ZNF682: variants seen among roughly 807,000 people sequenced by gnomAD.
ZNF682 encodes the protein zinc finger protein 682.
In ZNF682, 29 loss-of-function variants were observed where a neutral mutation model predicts 36.5. The observed-to-expected ratio is 0.80, with a 90% CI of 0.59 to 1.08. The LOEUF (loss-of-function observed/expected upper bound fraction) is 1.08, where lower values mean the gene tolerates loss of function less well. Among genes scored for constraint, ZNF682 ranks in the 50% least tolerant of loss-of-function variants. The pLI is 0.00. For synonymous variants in ZNF682, 180 were observed against 197.0 expected (o/e 0.91, Z 0.72); for missense variants, 561 against 579.7 (o/e 0.97, Z 0.33).
intron 3 of ZNF682, among the ~76,000 whole-genome samples, chr19:20,020,657 G>T (rs1036969240): frequency 6.6e-6 from 1 of 152,056 alleles, no homozygotes; most frequent in African/African-American, 2.4e-5. Flanking sequence ...AAAACAACCT[G>T]AATGTTTGTG....
chr19:20,030,386 A>G (rs1285166034), intron 1 of ZNF682, among the ~76,000 whole-genome samples: 1 of 152,104 alleles, frequency 6.6e-6, no homozygotes, highest in Admixed American at 6.6e-5. Flanking sequence ...CCTGGCCAAT[A>G]TGGTGAAATC....
chr19:20,020,848 AAT>A (rs1234388248), intron 3 of ZNF682, among the ~76,000 whole-genome samples: 1 of 152,244 alleles, frequency 6.6e-6, no homozygotes, highest in African/African-American at 2.4e-5. Context: ...CTCTATGGGT[AAT>A]CTAAAAAGGA....
In ZNF682 at chr19:20,007,243, G is replaced by GA. The variant is rs1568538117; in HGVS notation, c.258_259insT (p.Pro87SerfsTer23). 1 of 1,611,742 alleles carries GA rather than the reference G, an allele frequency of 6.2e-7. No homozygotes were observed. Among genetic ancestry groups the GA allele is most frequent in the Non-Finnish European group, 8.5e-7 (1 of 1,179,382 alleles). The stretch of plus-strand genomic sequence containing the variant: ...AATGAATCTTGCATGCACTGTTCTG[G>GA]CAAAAGGTCTTCAGTGTAATGAGAA... On this transcript the variant is annotated frameshift_variant, in exon 4 of 4. Coordinates refer to ENST00000397165, the MANE Select transcript of ZNF682 (RefSeq NM_033196.3). LOFTEE classifies it low-confidence loss of function (END_TRUNC).
At chr19:20,032,568 G>A (rs2088488521) in intron 1 of ZNF682, among the ~76,000 whole-genome samples, 1 of 152,126 alleles carries the variant, frequency 6.6e-6, no homozygotes, top group Non-Finnish European at 1.5e-5. Flanking sequence ...AGTCTGATGG[G>A]TACCTTACAT....
chr19:20,015,400 C>T (rs977517445), intron 3 of ZNF682: 41 of 984,688 alleles, frequency 4.2e-5, no homozygotes, highest in Non-Finnish European at 4.8e-5. Flanking sequence ...TGATTCATAT[C>T]TGACTTTTGC....
In ZNF682 at chr19:20,006,495, G is replaced by A. The variant is rs1043435219; in HGVS notation, c.1007C>T (p.Thr336Met). Reference protein sequence around the residue: ...SLLTIHERTHTGEKPYKCEEC... With the variant: ...SLLTIHERTHMGEKPYKCEEC... Reference sequence around the variant, plus strand: ...TTCACATTTATAGGGTTTCTCTCCCGTATGGGTTCTCTCATGTATAGTAAG... The same window carrying A: ...TTCACATTTATAGGGTTTCTCTCCCATATGGGTTCTCTCATGTATAGTAAG... The change falls in exon 4 of 4, where the codon ACG becomes ATG. Residue 336 changes from threonine to methionine, a missense_variant. By Grantham distance (81) the Thr-to-Met change is moderately conservative (BLOSUM62 -1). Transcript: ENST00000397165. 47 of 1,613,910 alleles carry A rather than the reference G, an allele frequency of 2.9e-5. 1 individual carries two copies. Among genetic ancestry groups the A allele is most frequent in the Non-Finnish European group, 3.9e-5 (46 of 1,180,006 alleles).
At position 20,006,111 on chromosome 19, in the gene ZNF682, C is replaced by A. The variant is rs932903662; in HGVS notation, c.1391G>T (p.Arg464Leu). The change falls in exon 4 of 4, where the codon CGG (arginine) becomes CTG (leucine). Residue 464 changes from arginine (R) to leucine (L), a missense_variant. Arg to Leu is a moderately radical substitution (Grantham distance 102). Coordinates refer to ENST00000397165, the MANE Select transcript of ZNF682 (RefSeq NM_033196.3). ...KCEECGKAFK[R>L]CSHLNEHKRV... The stretch of plus-strand genomic sequence containing the variant: ...CTTATGTTCATTAAGATGTGAGCAC[C>A]GTTTAAAAGCTTTGCCACATTCTTC... 6.2e-7 allele frequency: 1 copy of A among 1,613,900 alleles called. No homozygotes were observed. Among genetic ancestry groups the A allele is most frequent in the Non-Finnish European group, 8.5e-7 (1 of 1,179,960 alleles).
intron 3 of ZNF682, among the ~76,000 whole-genome samples, chr19:20,009,963 T>G (rs566730283): frequency 1.8e-4 from 27 of 151,602 alleles, no homozygotes; most frequent in Non-Finnish European, 3.2e-4. Flanking sequence ...GAGGTTGCAG[T>G]GAGCTGAGAT....
At chr19:20,032,094 C>A (rs1227951458) in intron 1 of ZNF682, among the ~76,000 whole-genome samples, 2 of 152,136 alleles carry the variant, frequency 1.3e-5, no homozygotes, top group Non-Finnish European at 2.9e-5. Flanking sequence ...ATTCTGGATT[C>A]ATTTTAATGT....
chr19:20,031,237 C>T (rs1002029100), intron 1 of ZNF682: 3 of 152,214 alleles, frequency 2.0e-5, no homozygotes, highest in African/African-American at 4.8e-5. Context: ...TATTTTATTC[C>T]AGTATCACAG....
chr19:20,007,300 T>C, intron 3 of ZNF682, 25 bp from the exon 4 acceptor site: 2 of 1,556,598 alleles, frequency 1.3e-6, no homozygotes, highest in Non-Finnish European at 1.7e-6. Flanking sequence ...TAACAAAATA[T>C]CCCACTTGTT....
intron 3 of ZNF682, among the ~76,000 whole-genome samples, chr19:20,021,799 G>A (rs1328505677): frequency 1.3e-5 from 2 of 152,118 alleles, no homozygotes; most frequent in Non-Finnish European, 2.9e-5. Context: ...AATAACATTA[G>A]ATTTTCTTAT....
rs527525623 is a variant in ZNF682 at position 20,006,740 on chromosome 19, C to T, written c.762G>A (p.Glu254=). ...CACATTCTTCACATTTGTAGGGTTT[C>T]TCACCAGTATGGATTCTCTTATGTT... The part of the protein sequence containing the change: ...LTKHKRIHTG[E]KPYKCEECGK... The change falls in exon 4 of 4, where the codon GAG becomes GAA. Residue 254 remains glutamate (E), a synonymous_variant. Transcript: ENST00000397165. The T allele has an allele frequency of 6.2e-7, 1 of 1,613,954 alleles. No homozygotes were observed. The highest frequency in any genetic ancestry group is 1.3e-5 in the African/African-American group (1 of 75,010).
intron 3 of ZNF682, among the ~76,000 whole-genome samples, chr19:20,011,843 C>T (rs1236167970): frequency 6.6e-6 from 1 of 152,060 alleles, no homozygotes; most frequent in African/African-American, 2.4e-5. Context: ...CAAGACCAGC[C>T]TGGCCAACAT....
chr19:20,037,531 T>C (rs1366422101), intron 1 of ZNF682, among the ~76,000 whole-genome samples: 2 of 152,206 alleles, frequency 1.3e-5, no homozygotes, highest in East Asian at 1.9e-4. Flanking sequence ...GCAATACTGA[T>C]TGGAACACAG....
intron 1 of ZNF682, among the ~76,000 whole-genome samples, chr19:20,028,773 A>G (rs549244541): frequency 2.6e-5 from 4 of 152,336 alleles, no homozygotes; most frequent in Non-Finnish European, 5.9e-5. Context: ...CTGCATTTGG[A>G]AAACAACACG....
chr19:20,022,665 C>CAA (rs1202381448), intron 3 of ZNF682, among the ~76,000 whole-genome samples: 1 of 149,754 alleles, frequency 6.7e-6, no homozygotes, highest in Non-Finnish European at 1.5e-5. Context: ...CTCTCTCTCT[C>CAA]AAAAAAAAGA....
chr19:20,033,064 G>A lies in ZNF682; in HGVS notation c.3+6279C>T, dbSNP rs530713473. Among the ~76,000 whole-genome samples, 3 of 152,246 alleles carry A rather than the reference G, an allele frequency of 2.0e-5. No homozygotes were observed. The East Asian group carries it at 5.8e-4, about 29-fold the overall frequency. On this transcript the variant is annotated intron_variant, in intron 1 of 3. Coordinates refer to ENST00000397165, the MANE Select transcript of ZNF682 (RefSeq NM_033196.3). ...GCAGATCACCTGAGATCAGGAGTTCGAGACAAGCCTGGCCAACGTGGTGAA... is the reference window on the plus strand; with the variant it reads ...GCAGATCACCTGAGATCAGGAGTTCAAGACAAGCCTGGCCAACGTGGTGAA...
At chr19:20,007,586 T>A (rs189065061) in intron 3 of ZNF682, 4 of 272,672 alleles carry the variant, frequency 1.5e-5, no homozygotes, top group Admixed American at 9.6e-5. Context: ...GGAAGGGATA[T>A]GTGAAGAAAC....
Sources: gnomAD v4.1 joint callset for allele counts (sites outside exome capture counted in the v4.1 genomes callset) on GRCh38, gnomAD v4.1.1 for gene constraint, MANE v1.5 for transcripts, NCBI Gene and HGNC (gene_info 2026-07-23, HGNC 2026-07-21) for gene names.